The following SLC9A9 variants were observed in gnomAD, a reference collection of about 807,000 sequenced individuals.
SLC9A9 encodes the protein sodium/hydrogen exchanger 9.
A neutral mutation model predicts 77.8 loss-of-function variants in SLC9A9; 62 were observed. That is an observed-to-expected ratio of 0.80 (90% CI 0.65 to 0.98). The LOEUF (loss-of-function observed/expected upper bound fraction) is 0.98. Among genes scored for constraint, SLC9A9 ranks in the 50% least tolerant of loss-of-function variants. The pLI is 0.00. For synonymous variants in SLC9A9, 320 were observed against 283.5 expected, an observed-to-expected ratio of 1.13 and a Z score of -1.29; for missense variants, 775 against 774.9, an observed-to-expected ratio of 1.00 and a Z score of 0.00.
chr3:143,503,635 G>T, intron 9 of SLC9A9: 1 of 451,062 alleles, frequency 2.2e-6, no homozygotes, highest in Non-Finnish European at 4.5e-6. Flanking sequence ...CCATGCCTTG[G>T]CAGTGCCAGG....
intron 14 of SLC9A9, among the ~76,000 whole-genome samples, chr3:143,300,878 C>A (rs2030488586): frequency 6.6e-6 from 1 of 152,162 alleles, no homozygotes; most frequent in Non-Finnish European, 1.5e-5. Flanking sequence ...TCAAATAGGT[C>A]CCCTTTTCCC....
chr3:143,290,413 C>T (rs982781078), intron 14 of SLC9A9, among the ~76,000 whole-genome samples: 9 of 152,174 alleles, frequency 5.9e-5, no homozygotes, highest in Admixed American at 5.9e-4. Flanking sequence ...AATAAGTGAG[C>T]ACAGGGATGA....
intron 4 of SLC9A9, among the ~76,000 whole-genome samples, chr3:143,719,748 T>C (rs1304884954): frequency 2.0e-5 from 3 of 152,242 alleles, no homozygotes; most frequent in African/African-American, 7.2e-5. Context: ...TCCCCAATTC[T>C]GATCCTGCAT....
At chr3:143,761,277 C>G (rs2007112571) in intron 4 of SLC9A9, among the ~76,000 whole-genome samples, 1 of 152,160 alleles carries the variant, frequency 6.6e-6, no homozygotes, top group Non-Finnish European at 1.5e-5. Context: ...AGGACACAGG[C>G]AGAGGCAAGG....
intron 12 of SLC9A9, among the ~76,000 whole-genome samples, chr3:143,387,205 A>C (rs1252004452): frequency 6.6e-6 from 1 of 152,164 alleles, no homozygotes; most frequent in Non-Finnish European, 1.5e-5. Flanking sequence ...AAAGAAGGAA[A>C]AGAAGGTGTC....
chr3:143,288,570 T>C (rs1291329161), intron 14 of SLC9A9, among the ~76,000 whole-genome samples: 2 of 152,188 alleles, frequency 1.3e-5, no homozygotes, highest in Non-Finnish European at 2.9e-5. Context: ...TTGGGCTCAT[T>C]CTGGTCACTG....
chr3:143,358,081 C>T (rs1438256309), intron 14 of SLC9A9, among the ~76,000 whole-genome samples: 9 of 149,262 alleles, frequency 6.0e-5, no homozygotes, highest in Non-Finnish European at 8.9e-5. Context: ...CTATTAAATA[C>T]GTGGTTTCCA....
At chr3:143,321,290 C>T (rs748415341) in intron 14 of SLC9A9, among the ~76,000 whole-genome samples, 8 of 152,168 alleles carry the variant, frequency 5.3e-5, no homozygotes, top group African/African-American at 4.8e-5. Context: ...ACCTCCACTG[C>T]GGAGCAAGGC....
Position 143,789,731 on chromosome 3 carries a change from C to T in SLC9A9, c.533+5270G>A, listed in dbSNP as rs199763708. On this transcript the variant is annotated intron_variant, in intron 4 of 15. Transcript: ENST00000316549. ...CCAGTTGAGCAGGCACAGTGGCACA[C>T]AAGAGGGCAGAGGGAGAGTGTCCAC... 3.3e-5 allele frequency among the ~76,000 whole-genome samples: 5 copies of T among 152,052 alleles called. No homozygotes were observed. The South Asian group carries it at 1.0e-3, about 32-fold the overall frequency.
At chr3:143,804,822 G>A (rs920263438) in intron 2 of SLC9A9, among the ~76,000 whole-genome samples, 4 of 152,170 alleles carry the variant, frequency 2.6e-5, no homozygotes, top group Non-Finnish European at 5.9e-5. Flanking sequence ...CCTCTGTCAC[G>A]ACCTTCCGTA....
intron 6 of SLC9A9, among the ~76,000 whole-genome samples, chr3:143,636,565 A>G (rs6802019): frequency 0.43 from 64,935 of 152,008 alleles, 15,824 homozygotes; most frequent in African/African-American, 0.65. Context: ...TAGTGTATCC[A>G]TCACCCAAAT....
intron 14 of SLC9A9, among the ~76,000 whole-genome samples, chr3:143,329,887 C>T (rs1311050788): frequency 1.3e-5 from 2 of 152,202 alleles, no homozygotes; most frequent in African/African-American, 2.4e-5. Context: ...CCGCACCTTT[C>T]CTCCCTACAG....
intron 14 of SLC9A9, among the ~76,000 whole-genome samples, chr3:143,349,599 CAG>C (rs1412908236): frequency 6.6e-6 from 1 of 152,176 alleles, no homozygotes; most frequent in Non-Finnish European, 1.5e-5. Flanking sequence ...AATCAAGGTT[CAG>C]AGAGTTCAAG....
intron 9 of SLC9A9, among the ~76,000 whole-genome samples, chr3:143,521,467 G>A (rs1460912911): frequency 6.6e-6 from 1 of 152,084 alleles, no homozygotes; most frequent in African/African-American, 2.4e-5. Context: ...AGTTTAAAAA[G>A]TAAAATCTGA....
chr3:143,770,776 T>C (rs894557948), intron 4 of SLC9A9, among the ~76,000 whole-genome samples: 2 of 152,056 alleles, frequency 1.3e-5, no homozygotes, highest in African/African-American at 4.8e-5. Context: ...GGAAATATAT[T>C]TGCAACTCTC....
chr3:143,339,627 A>G (rs2108462048), intron 14 of SLC9A9, among the ~76,000 whole-genome samples: 2 of 152,286 alleles, frequency 1.3e-5, no homozygotes, highest in Middle Eastern at 6.8e-3. Flanking sequence ...GTCACATTGT[A>G]TTGCCACATC....
chr3:143,525,732 G>A (rs769728535), intron 9 of SLC9A9, among the ~76,000 whole-genome samples: 15 of 152,036 alleles, frequency 9.9e-5, no homozygotes, highest in Non-Finnish European at 1.9e-4. Flanking sequence ...AAATGTATGC[G>A]TAAACAGGAA....
chr3:143,619,052 CA>C (rs1452954967), intron 6 of SLC9A9, among the ~76,000 whole-genome samples: 3 of 152,140 alleles, frequency 2.0e-5, no homozygotes, highest in East Asian at 3.8e-4. Context: ...TGTTCTTTAG[CA>C]ACCTACACAC....
At chr3:143,349,047 C>T (rs536353554) in intron 14 of SLC9A9, among the ~76,000 whole-genome samples, 1 of 152,284 alleles carries the variant, frequency 6.6e-6, no homozygotes, top group South Asian at 2.1e-4. Flanking sequence ...AGCCAGCTGC[C>T]CCTGGTCTCT....
Sources: gnomAD v4.1 joint callset for allele counts (sites outside exome capture counted in the v4.1 genomes callset) on GRCh38, gnomAD v4.1.1 for gene constraint, MANE v1.5 for transcripts, NCBI Gene and HGNC (gene_info 2026-07-23, HGNC 2026-07-21) for gene names.